MALRD1: variants seen among roughly 807,000 people sequenced by gnomAD.
The protein encoded by MALRD1 is MAM and LDL receptor class A domain containing 1, also known as MAM and LDL-receptor class A domain-containing protein 1.
In MALRD1, 247 loss-of-function variants were observed where a neutral mutation model predicts 242.1. That is an observed-to-expected ratio of 1.02 (90% CI 0.92 to 1.13). The LOEUF is 1.13. Ranked by LOEUF, MALRD1 falls within the 50% of genes most tolerant of loss-of-function variation. MALRD1 has a pLI of 0.00. For missense variants in MALRD1, 2,989 were observed against 2,533.1 expected (o/e 1.18, Z -3.86); for synonymous variants, 995 against 866.6 (o/e 1.15, Z -2.60).
chr10:19,197,775 C>T (rs1383691677), intron 14 of MALRD1, among the ~76,000 whole-genome samples: 3 of 152,100 alleles, frequency 2.0e-5, no homozygotes, highest in Non-Finnish European at 2.9e-5. Flanking sequence ...TTTACCATTA[C>T]TTATTTATCT....
chr10:19,578,254 G>A (rs1175753679), intron 33 of MALRD1, among the ~76,000 whole-genome samples: 2 of 152,162 alleles, frequency 1.3e-5, no homozygotes, highest in Non-Finnish European at 2.9e-5. Flanking sequence ...CACCCAGAAA[G>A]GACCAGTTGC....
chr10:19,538,137 A>G (rs1321937357), intron 32 of MALRD1, among the ~76,000 whole-genome samples: 1 of 152,206 alleles, frequency 6.6e-6, no homozygotes, highest in Middle Eastern at 3.2e-3. Context: ...GTGAAATTCA[A>G]TTATGATTTT....
At chr10:19,542,533 T>C (rs1835017627) in intron 32 of MALRD1, among the ~76,000 whole-genome samples, 3 of 152,040 alleles carry the variant, frequency 2.0e-5, no homozygotes, top group African/African-American at 7.2e-5. Flanking sequence ...AATCTCCTGA[T>C]GTTTTTTTTC....
At chr10:19,118,195 A>T (rs1399628980) in intron 5 of MALRD1, among the ~76,000 whole-genome samples, 3 of 152,206 alleles carry the variant, frequency 2.0e-5, no homozygotes, top group Non-Finnish European at 4.4e-5. Context: ...GAAATAAGCC[A>T]TGTGAATATT....
chr10:19,347,901 C>A lies in MALRD1; in HGVS notation c.4032C>A (p.His1344Gln). The change falls in exon 25 of 40, where the codon CAC becomes CAA. Residue 1344 changes from histidine to glutamine, a missense_variant. By Grantham distance (24) the His-to-Gln change is conservative (BLOSUM62 0). Transcript: ENST00000454679. ...PAAGTEPAADHTLGNSSGHYI... is the reference protein window; with the variant it reads ...PAAGTEPAADQTLGNSSGHYI... ...CAGGCACAGAGCCAGCAGCAGATCA[C>A]ACTTTGGGAAATTCATCTGGTCATT... 6.5e-7 allele frequency: 1 copy of A among 1,550,364 alleles called. No individual in the cohort carries two copies. The highest frequency in any genetic ancestry group is 8.7e-7 in the Non-Finnish European group (1 of 1,146,826).
intron 26 of MALRD1, among the ~76,000 whole-genome samples, chr10:19,385,398 T>G (rs1279743742): frequency 1.3e-5 from 2 of 152,026 alleles, no homozygotes; most frequent in Non-Finnish European, 2.9e-5. Context: ...ATGGGAGGGT[T>G]GTTACCACTT....
At chr10:19,165,265 A>ATATATATATATATT in intron 12 of MALRD1, among the ~76,000 whole-genome samples, 8 of 130,286 alleles carry the variant, frequency 6.1e-5, no homozygotes, top group Admixed American at 2.3e-4. Flanking sequence ...ATATATATAT[A>ATATATATATATATT]TTTTGTTTTG....
chr10:19,412,479 A>G (rs1833315729), intron 28 of MALRD1, among the ~76,000 whole-genome samples: 1 of 152,220 alleles, frequency 6.6e-6, no homozygotes, highest in Non-Finnish European at 1.5e-5. Context: ...AACGTCTCTG[A>G]TATAACTAGA....
In MALRD1 at chr10:19,136,702, C is replaced by G. The variant is rs1373929840; in HGVS notation, c.1332C>G (p.Gly444=). 1 of 1,231,676 alleles carries G rather than the reference C, an allele frequency of 8.1e-7. No individual in the cohort carries two copies. The highest frequency in any genetic ancestry group is 1.5e-5 in the African/African-American group (1 of 64,520). The allele number at this position is 1,231,676 out of a possible 1,614,324, so 76.3% of individuals were successfully genotyped here. ...CSADEFPCTS[G]QCIAKESVCD... ...CAGACGAATTCCCTTGCACTAGTGG[C>G]CAGTGCATCGCCAAAGAATCTGTCT... The change falls in exon 10 of 40, where the codon GGC becomes GGG. Residue 444 remains glycine, a synonymous_variant. Transcript: ENST00000454679.
At chr10:19,381,445 C>T (rs1042568978) in intron 26 of MALRD1, among the ~76,000 whole-genome samples, 2 of 151,986 alleles carry the variant, frequency 1.3e-5, no homozygotes, top group Non-Finnish European at 2.9e-5. Flanking sequence ...GCTGAAGGCA[C>T]GTTAGCCAAA....
intron 33 of MALRD1, among the ~76,000 whole-genome samples, chr10:19,569,072 T>C (rs1285896845): frequency 6.6e-6 from 1 of 152,134 alleles, no homozygotes; most frequent in Non-Finnish European, 1.5e-5. Context: ...ATTGTAAATA[T>C]ATTCTAGATC....
chr10:19,051,799 G>A (rs2131198209), intron 1 of MALRD1, among the ~76,000 whole-genome samples: 1 of 152,018 alleles, frequency 6.6e-6, no homozygotes, highest in East Asian at 1.9e-4. Flanking sequence ...GCAGGTGCCT[G>A]TAGTCCCAGC....
intron 10 of MALRD1, among the ~76,000 whole-genome samples, chr10:19,137,729 C>G (rs1833400578): frequency 6.6e-6 from 1 of 151,404 alleles, no homozygotes; most frequent in South Asian, 2.1e-4. Context: ...GAAGTGATGA[C>G]AAGAGATCCC....
At chr10:19,327,766 C>A in intron 23 of MALRD1, 93 bp downstream of exon 23, 1 of 1,046,218 alleles carries the variant, frequency 9.6e-7, no homozygotes, top group Non-Finnish European at 1.4e-6. Context: ...TTCTTGCCCC[C>A]ATTCCCTTTT....
intron 32 of MALRD1, among the ~76,000 whole-genome samples, chr10:19,545,047 C>CCA (rs1835151382): frequency 6.6e-6 from 1 of 152,122 alleles, no homozygotes; most frequent in South Asian, 2.1e-4. Context: ...GGCTGGAGGT[C>CCA]CAAGATCAAG....
At position 19,324,042 on chromosome 10, in the gene MALRD1, G is replaced by A. The variant is rs760713223; in HGVS notation, c.3513G>A (p.Thr1171=). The A allele has an allele frequency of 2.1e-4, 322 of 1,550,476 alleles. No individual in the cohort carries two copies. The highest frequency in any genetic ancestry group is 2.2e-4 in the Non-Finnish European group (258 of 1,146,906). The change falls in exon 22 of 40, where the codon ACG becomes ACA. Residue 1171 remains threonine, a synonymous_variant. Transcript: ENST00000454679. ...TTCTCACTCCTATCATTTCACTCAC[G>A]GGACCAAAATGTACCTTGGTGTTCT... The part of the protein sequence containing the change: ...ADILTPIISL[T]GPKCTLVFWT...
At chr10:19,426,123 G>A (rs56367060) in intron 28 of MALRD1, among the ~76,000 whole-genome samples, 13,451 of 152,110 alleles carry the variant, frequency 0.088, 1,099 homozygotes, top group African/African-American at 0.22. Context: ...AAATGTTAAT[G>A]TCTTCCATAT....
chr10:19,125,286 TTTCTTTCCTTCCTTCC>T (rs1270833988), intron 7 of MALRD1, among the ~76,000 whole-genome samples: 1,658 of 111,190 alleles, frequency 0.015, 81 homozygotes, highest in Admixed American at 0.036. Context: ...TCTTTCTTTC[TTTCTTTCCTTCCTTCC>T]TTCCTTCCTT....
intron 2 of MALRD1, among the ~76,000 whole-genome samples, chr10:19,084,807 T>G (rs1039999029): frequency 6.6e-5 from 10 of 152,036 alleles, no homozygotes; most frequent in African/African-American, 9.7e-5. Flanking sequence ...AAAGTATTTT[T>G]AAAAGTCCTC....
Sources: gnomAD v4.1 joint callset for allele counts (sites outside exome capture counted in the v4.1 genomes callset) on GRCh38, gnomAD v4.1.1 for gene constraint, MANE v1.5 for transcripts, NCBI Gene and HGNC (gene_info 2026-07-23, HGNC 2026-07-21) for gene names.